KAZN: variants seen among roughly 807,000 people sequenced by gnomAD.
The protein encoded by KAZN is kazrin.
In KAZN, 40 loss-of-function variants were observed where a neutral mutation model predicts 87.4. The observed-to-expected ratio is 0.46, with a 90% CI of 0.36 to 0.60. KAZN has a LOEUF of 0.60. Among genes scored for constraint, KAZN ranks in the 20% least tolerant of loss-of-function variants. KAZN has a pLI of 0.00. For missense variants in KAZN, 898 were observed against 1,073.9 expected (o/e 0.84, Z 2.29); for synonymous variants, 466 against 458.3 (o/e 1.02, Z -0.22).
At chr1:14,333,590 C>G (rs1389373744) in intron 2 of KAZN, among the ~76,000 whole-genome samples, 1 of 152,086 alleles carries the variant, frequency 6.6e-6, no homozygotes, top group Non-Finnish European at 1.5e-5. Flanking sequence ...CCTGAAGGGG[C>G]TGATATTCTA....
intron 2 of KAZN, among the ~76,000 whole-genome samples, chr1:14,262,422 T>C (rs1406961540): frequency 6.6e-6 from 1 of 152,200 alleles, no homozygotes; most frequent in Non-Finnish European, 1.5e-5. Context: ...TAATTGCCAA[T>C]AGCTTTGGCA....
intron 2 of KAZN, among the ~76,000 whole-genome samples, chr1:14,986,519 GC>G (rs1205056038): frequency 6.6e-6 from 1 of 152,188 alleles, no homozygotes; most frequent in Non-Finnish European, 1.5e-5. Context: ...CTTGGTTGGT[GC>G]TTTCCAAGCA....
At chr1:14,528,337 C>CAAAAA (rs33960231) in intron 2 of KAZN, among the ~76,000 whole-genome samples, 125 of 48,720 alleles carry the variant, frequency 2.6e-3, no homozygotes, top group East Asian at 3.8e-3. Context: ...GACTCCATCT[C>CAAAAA]AAAAAAAAAA....
intron 1 of KAZN, among the ~76,000 whole-genome samples, chr1:14,066,813 G>A: frequency 6.6e-6 from 1 of 152,168 alleles, no homozygotes; most frequent in East Asian, 1.9e-4. Context: ...GTACACAAAT[G>A]CCTTAGCACT....
chr1:14,226,082 C>CA (rs1177748090), intron 2 of KAZN, among the ~76,000 whole-genome samples: 3 of 150,810 alleles, frequency 2.0e-5, no homozygotes, highest in Non-Finnish European at 3.0e-5. Flanking sequence ...CAAAACAAAA[C>CA]AAACAAAAAA....
At chr1:14,036,482 AT>A (rs145873157) in intron 1 of KAZN, among the ~76,000 whole-genome samples, 6,811 of 152,198 alleles carry the variant, frequency 0.045, 537 homozygotes, top group African/African-American at 0.16. Flanking sequence ...TTTTGAGAAA[AT>A]TATAAATGTT....
At position 14,384,230 on chromosome 1, in the gene KAZN, T is replaced by G. The variant is rs1661653603; in HGVS notation, c.249+203638T>G. Among the ~76,000 whole-genome samples, 2 of 151,302 alleles carry G rather than the reference T, an allele frequency of 1.3e-5. 1 individual carries two copies. Among genetic ancestry groups the G allele is most frequent in the African/African-American group, 4.9e-5 (2 of 41,032 alleles). On this transcript the variant is annotated intron_variant, in intron 2 of 16. Transcript: ENST00000636203. ...GAGATTTTGGGCTGAGACAATGGGG[T>G]TTTCTAGATATACAATCATGTCATC...
chr1:15,046,447 C>CG (rs1553179860), intron 4 of KAZN, among the ~76,000 whole-genome samples: 230 of 152,102 alleles, frequency 1.5e-3, no homozygotes, highest in African/African-American at 2.1e-3. Flanking sequence ...TTTGCTGTCT[C>CG]GGGGTGACGG....
chr1:14,361,476 G>A (rs189354049), intron 2 of KAZN, among the ~76,000 whole-genome samples: 138 of 152,294 alleles, frequency 9.1e-4, no homozygotes, highest in Non-Finnish European at 3.2e-4. Context: ...TCTCACTGGC[G>A]TTCCAGGTGC....
chr1:13,923,409 T>TA (rs773179356), intron 1 of KAZN, among the ~76,000 whole-genome samples: 1 of 151,602 alleles, frequency 6.6e-6, no homozygotes, highest in Non-Finnish European at 1.5e-5. Context: ...CCGTCTCTAC[T>TA]AAAAATACAA....
intron 1 of KAZN, among the ~76,000 whole-genome samples, chr1:14,878,719 C>T (rs1187904230): frequency 1.3e-5 from 2 of 152,206 alleles, no homozygotes; most frequent in African/African-American, 4.8e-5. Flanking sequence ...ATCTCAGGTC[C>T]ACCTTTTGCG....
At chr1:14,924,734 G>A (rs1658972156) in intron 1 of KAZN, among the ~76,000 whole-genome samples, 1 of 152,088 alleles carries the variant, frequency 6.6e-6, no homozygotes, top group African/African-American at 2.4e-5. Flanking sequence ...TGCAGCGGGA[G>A]GCGTGCGGGA....
rs1238052668 is a variant in KAZN at position 15,114,781 on chromosome 1, G to A, written c.*146G>A. On this transcript the variant is annotated 3_prime_UTR_variant, in exon 15 of 15. Coordinates refer to ENST00000376030, the MANE Select transcript of KAZN (RefSeq NM_201628.3). ...GGGCAAAATCCCGATGGACTCTGCG[G>A]TTTCAGCTCCACAGCGCCCAGGAGA... The A allele has an allele frequency of 2.7e-6, 2 of 738,662 alleles. No homozygotes were observed. The highest frequency in any genetic ancestry group is 1.8e-5 in the African/African-American group (1 of 56,400). The allele number at this position is 738,662 out of a possible 1,614,324, so 45.8% of individuals were successfully genotyped here. A position where few individuals can be genotyped will look rare whatever the true frequency, so the allele number is the denominator to read the frequency against.
chr1:13,970,060 A>G (rs562959300), intron 1 of KAZN, among the ~76,000 whole-genome samples: 1 of 152,308 alleles, frequency 6.6e-6, no homozygotes, highest in South Asian at 2.1e-4. Context: ...TTTCTATTCT[A>G]CTAAATGCAC....
intron 2 of KAZN, among the ~76,000 whole-genome samples, chr1:14,260,992 C>T (rs905693944): frequency 6.6e-6 from 1 of 152,220 alleles, no homozygotes; most frequent in African/African-American, 2.4e-5. Flanking sequence ...ATACTCTTTA[C>T]ATGTGAACAC....
At chr1:13,901,193 G>A (rs908821137) in intron 1 of KAZN, among the ~76,000 whole-genome samples, 7 of 152,156 alleles carry the variant, frequency 4.6e-5, no homozygotes, top group African/African-American at 1.7e-4. Flanking sequence ...TCATTGGACC[G>A]AGTTTGCCTG....
intron 2 of KAZN, among the ~76,000 whole-genome samples, chr1:14,300,726 T>C (rs1026657406): frequency 9.2e-5 from 14 of 152,208 alleles, no homozygotes; most frequent in African/African-American, 3.4e-4. Context: ...AGGTTAGGTT[T>C]ATATGCAGGT....
rs1480299280 is a variant in KAZN, at chr1:14,875,485, A to G, written c.227-85199A>G. On this transcript the variant is annotated intron_variant, in intron 1 of 14. Coordinates refer to ENST00000376030, the MANE Select transcript of KAZN (RefSeq NM_201628.3). ...CCTTGCATTGTCCTTAATTTATTAA[A>G]AAAAAAAAAAAAGAAAAAAGAAAAA... 1.7e-4 allele frequency among the ~76,000 whole-genome samples: 26 copies of G among 150,028 alleles called. No individual in the cohort carries two copies. In the East Asian group the frequency reaches 4.6e-3, roughly 27 times the overall value.
At chr1:14,884,062 G>GAA (rs1653776859) in intron 1 of KAZN, among the ~76,000 whole-genome samples, 1 of 152,108 alleles carries the variant, frequency 6.6e-6, no homozygotes, top group Admixed American at 6.5e-5. Context: ...GAGGCTGAGA[G>GAA]AAACTACATC....
Sources: allele counts gnomAD v4.1 joint callset (sites outside exome capture counted in the v4.1 genomes callset), GRCh38; gene constraint gnomAD v4.1.1; transcripts MANE v1.5; gene names NCBI Gene and HGNC (gene_info 2026-07-23, HGNC 2026-07-21).